CAMKMT: variants seen among roughly 807,000 people sequenced by gnomAD.
CAMKMT encodes CaM KMT.
Under a neutral mutation model 48.0 loss-of-function variants are expected in CAMKMT, and 53 were observed. That is an observed-to-expected ratio of 1.10 (90% confidence interval 0.89 to 1.39). The LOEUF (loss-of-function observed/expected upper bound fraction) is 1.39. CAMKMT is among the 40% of genes most tolerant of loss of function. The pLI, the probability that CAMKMT is intolerant of heterozygous loss-of-function variation, is 0.00. For synonymous variants in CAMKMT, 165 were observed against 152.3 expected (o/e 1.08, Z -0.61); for missense variants, 428 against 402.7 (o/e 1.06, Z -0.54).
At chr2:44,402,221 C>T (rs972496514) in intron 3 of CAMKMT, among the ~76,000 whole-genome samples, 5 of 148,116 alleles carry the variant, frequency 3.4e-5, no homozygotes, top group African/African-American at 1.2e-4. Flanking sequence ...CATAGCTACT[C>T]GGGAGGCTGA....
chr2:44,721,678 G>C (rs746257987), intron 7 of CAMKMT, among the ~76,000 whole-genome samples: 10 of 152,164 alleles, frequency 6.6e-5, no homozygotes, highest in Non-Finnish European at 1.3e-4. Context: ...CCAAAAGAAA[G>C]CTCATACTTG....
intron 3 of CAMKMT, among the ~76,000 whole-genome samples, chr2:44,438,035 A>G (rs906008890): frequency 1.3e-5 from 2 of 152,064 alleles, no homozygotes; most frequent in African/African-American, 2.4e-5. Context: ...AGCTCTTTAT[A>G]TGTATTAGTT....
At chr2:44,707,371 G>A (rs1354552489) in intron 5 of CAMKMT, 28 bp from the exon 6 acceptor site, 1 of 1,607,200 alleles carries the variant, frequency 6.2e-7, no homozygotes, top group Non-Finnish European at 8.5e-7. Context: ...TTTGCTCATT[G>A]TTTGCTGTGC....
rs145620863 is a variant in CAMKMT at position 44,467,381 on chromosome 2, A to T, written c.376+77076A>T. On this transcript the variant is annotated intron_variant, in intron 3 of 10. Transcript: ENST00000378494. ...ACCCTGTCTCTACTAAAAATACAAA[A>T]ATTAGCCAGGCATGGTGGTGGGTGC... is the stretch of plus-strand genomic sequence containing the variant. Among the ~76,000 whole-genome samples, 332 of 152,150 alleles carry T rather than the reference A, an allele frequency of 2.2e-3. 1 individual carries two copies. The Middle Eastern group carries it at 0.027, about 12-fold the overall frequency.
chr2:44,363,375 TC>T (rs541094956), intron 1 of CAMKMT, among the ~76,000 whole-genome samples: 113 of 151,738 alleles, frequency 7.4e-4, no homozygotes, highest in African/African-American at 2.7e-3. Flanking sequence ...CAACCCCCCT[TC>T]CCCCCTCCTT....
At chr2:44,682,721 C>T (rs996110871) in intron 3 of CAMKMT, among the ~76,000 whole-genome samples, 2 of 152,036 alleles carry the variant, frequency 1.3e-5, no homozygotes, top group Admixed American at 6.6e-5. Context: ...CAGAGACAAT[C>T]GAGAAACGTT....
chr2:44,517,224 A>G (rs930202221), intron 3 of CAMKMT, among the ~76,000 whole-genome samples: 1 of 152,230 alleles, frequency 6.6e-6, no homozygotes, highest in Non-Finnish European at 1.5e-5. Flanking sequence ...TAATTGTTTC[A>G]AAAATTTTTT....
chr2:44,513,998 A>T (rs1670706856), intron 3 of CAMKMT, among the ~76,000 whole-genome samples: 1 of 151,424 alleles, frequency 6.6e-6, no homozygotes, highest in Non-Finnish European at 1.5e-5. Context: ...GCTATTTGGG[A>T]GTCTGAGGTG....
At chr2:44,417,263 T>C (rs935436007) in intron 3 of CAMKMT, among the ~76,000 whole-genome samples, 1 of 151,990 alleles carries the variant, frequency 6.6e-6, no homozygotes, top group Non-Finnish European at 1.5e-5. Context: ...GGCGTGGTAG[T>C]GCACACCTGT....
At chr2:44,629,976 C>T (rs7557396) in intron 3 of CAMKMT, among the ~76,000 whole-genome samples, 4,040 of 151,580 alleles carry the variant, frequency 0.027, 151 homozygotes, top group African/African-American at 0.093. Context: ...AGAGGCATCA[C>T]ACTACCTGAC....
chr2:44,551,243 C>G (rs915744019), intron 3 of CAMKMT, among the ~76,000 whole-genome samples: 1 of 152,108 alleles, frequency 6.6e-6, no homozygotes, highest in Non-Finnish European at 1.5e-5. Context: ...TCATGCAGTG[C>G]GTGGGCATGC....
chr2:44,535,880 C>T (rs1445811296), intron 3 of CAMKMT, among the ~76,000 whole-genome samples: 1 of 152,060 alleles, frequency 6.6e-6, no homozygotes, highest in East Asian at 1.9e-4. Flanking sequence ...AACAATCAGG[C>T]AAGAGGAAGA....
intron 1 of CAMKMT, among the ~76,000 whole-genome samples, chr2:44,371,986 G>T (rs1371287258): frequency 2.6e-5 from 4 of 152,102 alleles, no homozygotes; most frequent in Admixed American, 2.6e-4. Flanking sequence ...TATTCATTAT[G>T]CTAAAACATA....
intron 3 of CAMKMT, among the ~76,000 whole-genome samples, chr2:44,577,476 A>G (rs943713199): frequency 1.3e-5 from 2 of 152,084 alleles, no homozygotes; most frequent in East Asian, 3.9e-4. Flanking sequence ...GAAATTAGCC[A>G]GGTGTGGTAG....
chr2:44,449,522 T>C (rs189296166), intron 3 of CAMKMT, among the ~76,000 whole-genome samples: 4 of 152,290 alleles, frequency 2.6e-5, no homozygotes, highest in African/African-American at 9.6e-5. Flanking sequence ...GGTGATCTCT[T>C]TCTTTTTTCT....
At chr2:44,640,523 T>C (rs1673391822) in intron 3 of CAMKMT, among the ~76,000 whole-genome samples, 1 of 152,166 alleles carries the variant, frequency 6.6e-6, no homozygotes, top group African/African-American at 2.4e-5. Flanking sequence ...TTTGTCCAAG[T>C]TACCTAACCT....
intron 3 of CAMKMT, among the ~76,000 whole-genome samples, chr2:44,499,367 C>T (rs148082549): frequency 2.0e-5 from 3 of 152,254 alleles, no homozygotes; most frequent in Middle Eastern, 3.4e-3. Context: ...TTTCTTGTCT[C>T]TTGGCAGTAC....
chr2:44,750,237 G>T (rs576427560), intron 8 of CAMKMT, among the ~76,000 whole-genome samples: 4 of 151,496 alleles, frequency 2.6e-5, no homozygotes, highest in East Asian at 1.9e-4. Context: ...TGCAGCCTCC[G>T]CCTCCGCCTC....
At chr2:44,541,725 T>A (rs1012277653) in intron 3 of CAMKMT, among the ~76,000 whole-genome samples, 1 of 147,930 alleles carries the variant, frequency 6.8e-6, no homozygotes, top group African/African-American at 2.5e-5. Context: ...GAGCCATGAG[T>A]GTGCCACTGA....
Sources: allele counts gnomAD v4.1 joint callset (sites outside exome capture counted in the v4.1 genomes callset), GRCh38; gene constraint gnomAD v4.1.1; transcripts MANE v1.5; gene names NCBI Gene and HGNC (gene_info 2026-07-23, HGNC 2026-07-21).